Variants in SEL1L3 observed in about 807,000 individuals in gnomAD.
SEL1L3 encodes the protein protein sel-1 homolog 3.
Under a neutral mutation model 142.8 loss-of-function variants are expected in SEL1L3, and 76 were observed. The observed-to-expected ratio is 0.53, with a 90% CI of 0.44 to 0.64. The LOEUF is 0.64. Among genes scored for constraint, SEL1L3 ranks in the 30% least tolerant of loss-of-function variants. SEL1L3 has a pLI of 0.00. For missense variants in SEL1L3, 1,262 were observed against 1,381.7 expected, an observed-to-expected ratio of 0.91 and a Z score of 1.37; for synonymous variants, 504 against 519.6, an observed-to-expected ratio of 0.97 and a Z score of 0.41.
At chr4:25,818,633 G>A (rs931981604) in intron 8 of SEL1L3, among the ~76,000 whole-genome samples, 4 of 152,150 alleles carry the variant, frequency 2.6e-5, no homozygotes, top group African/African-American at 9.7e-5. Flanking sequence ...AAGATGATAG[G>A]AAAATCTTCC....
chr4:25,799,111 G>C (rs1560310548), intron 11 of SEL1L3, among the ~76,000 whole-genome samples: 1 of 152,040 alleles, frequency 6.6e-6, no homozygotes, highest in Non-Finnish European at 1.5e-5. Context: ...GTCTTGCTCT[G>C]TAGCCCAGGC....
At chr4:25,751,680 A>G (rs544609845) in intron 23 of SEL1L3, among the ~76,000 whole-genome samples, 1 of 148,980 alleles carries the variant, frequency 6.7e-6, no homozygotes, top group South Asian at 2.1e-4. Flanking sequence ...TGTTCTTTAT[A>G]TATAAGTATA....
intron 2 of SEL1L3, among the ~76,000 whole-genome samples, chr4:25,845,002 G>C (rs912388687): frequency 2.0e-5 from 3 of 151,606 alleles, no homozygotes; most frequent in African/African-American, 7.3e-5. Flanking sequence ...AGACAGACAG[G>C]GTTATTAAAA....
intron 10 of SEL1L3, among the ~76,000 whole-genome samples, chr4:25,803,409 A>T (rs1437103150): frequency 1.3e-5 from 2 of 152,250 alleles, no homozygotes; most frequent in African/African-American, 4.8e-5. Context: ...ATTTGGGCAC[A>T]TCTCAACAGT....
At chr4:25,717,175 T>C in the SEL1L3 span, among the ~76,000 whole-genome samples, 1,494 of 151,968 alleles carry the variant, frequency 9.8e-3, 28 homozygotes, top group African/African-American at 0.034. Flanking sequence ...CATAAATATA[T>C]ACACCTACTA....
intron 2 of SEL1L3, among the ~76,000 whole-genome samples, chr4:25,836,037 C>G (rs540143760): frequency 6.6e-6 from 1 of 152,278 alleles, no homozygotes; most frequent in African/African-American, 2.4e-5. Flanking sequence ...AGAATCCATA[C>G]TCTTAAAATT....
the SEL1L3 span, among the ~76,000 whole-genome samples, chr4:25,734,062 C>T: frequency 2.6e-5 from 4 of 151,904 alleles, no homozygotes; most frequent in Non-Finnish European, 5.9e-5. Flanking sequence ...CTCTGGCTGT[C>T]GCCCAGGTTG....
At chr4:25,853,138 G>A (rs2109318696) in intron 1 of SEL1L3, among the ~76,000 whole-genome samples, 1 of 152,304 alleles carries the variant, frequency 6.6e-6, no homozygotes, top group South Asian at 2.1e-4. Context: ...TGCTTTGGGA[G>A]GCCAAGGCAG....
intron 1 of SEL1L3, among the ~76,000 whole-genome samples, chr4:25,851,303 A>T (rs1472141404): frequency 6.6e-6 from 1 of 152,198 alleles, no homozygotes; most frequent in Non-Finnish European, 1.5e-5. Context: ...CATTGCCCCA[A>T]AATGAAACCC....
chr4:25,803,777 A>G (rs1296861114), intron 10 of SEL1L3, among the ~76,000 whole-genome samples: 6 of 149,030 alleles, frequency 4.0e-5, no homozygotes, highest in Non-Finnish European at 7.4e-5. Context: ...AGGGTTTTTT[A>G]TATGTTTTTT....
At chr4:25,815,757 G>A (rs886312700) in intron 9 of SEL1L3, among the ~76,000 whole-genome samples, 1 of 151,942 alleles carries the variant, frequency 6.6e-6, no homozygotes, top group African/African-American at 2.4e-5. Flanking sequence ...CCAGTAATAA[G>A]AGCAATAACA....
chr4:25,836,187 C>T (rs548760360), intron 2 of SEL1L3, among the ~76,000 whole-genome samples: 4 of 152,236 alleles, frequency 2.6e-5, no homozygotes, highest in African/African-American at 9.6e-5. Context: ...CTCTATAGCT[C>T]TAAAAAGCAT....
chr4:25,744,945 C>G (rs1717216656), downstream of SEL1L3, among the ~76,000 whole-genome samples: 4 of 152,212 alleles, frequency 2.6e-5, no homozygotes, highest in Non-Finnish European at 5.9e-5. Flanking sequence ...AAATAAATTT[C>G]TGTTGTTCAA....
chr4:25,776,620 C>A (rs1333281945), intron 16 of SEL1L3: 3 of 383,872 alleles, frequency 7.8e-6, no homozygotes, highest in East Asian at 5.1e-5. Context: ...AATATATCCA[C>A]CAATATGAAA....
chr4:25,752,211 G>A (rs564782288), intron 23 of SEL1L3, among the ~76,000 whole-genome samples: 6 of 149,312 alleles, frequency 4.0e-5, no homozygotes, highest in African/African-American at 9.9e-5. Flanking sequence ...GAGGTCAGGA[G>A]TTCAAGACCA....
chr4:25,762,748 G>A (rs1323568051), intron 20 of SEL1L3, among the ~76,000 whole-genome samples: 2 of 152,160 alleles, frequency 1.3e-5, no homozygotes, highest in African/African-American at 2.4e-5. Context: ...GGGAGGCCAA[G>A]GTGGGCGGAT....
At chr4:25,835,865 C>A (rs775134611) in intron 2 of SEL1L3, among the ~76,000 whole-genome samples, 3 of 152,142 alleles carry the variant, frequency 2.0e-5, no homozygotes, top group Non-Finnish European at 4.4e-5. Flanking sequence ...TAGTGTACAC[C>A]GGCAATATGC....
At chr4:25,849,978 T>C (rs980313512) in intron 1 of SEL1L3, among the ~76,000 whole-genome samples, 1 of 152,092 alleles carries the variant, frequency 6.6e-6, no homozygotes, top group Non-Finnish European at 1.5e-5. Context: ...GGTATCTCAG[T>C]TGGGCTTTGA....
chr4:25,795,710 G>A (rs1179121821), intron 11 of SEL1L3, among the ~76,000 whole-genome samples: 1 of 152,210 alleles, frequency 6.6e-6, no homozygotes, highest in African/African-American at 2.4e-5. Flanking sequence ...CCACACCCAG[G>A]TGGGGGTTGC....
Sources: gnomAD v4.1 joint callset for allele counts (sites outside exome capture counted in the v4.1 genomes callset) on GRCh38, gnomAD v4.1.1 for gene constraint, MANE v1.5 for transcripts, NCBI Gene and HGNC (gene_info 2026-07-23, HGNC 2026-07-21) for gene names.